ZFR: variants seen among roughly 807,000 people sequenced by gnomAD.
ZFR encodes the protein zinc finger RNA binding protein.
A neutral mutation model predicts 130.7 loss-of-function variants in ZFR; 19 were observed. The ratio of observed to expected loss-of-function variants is 0.15; its 90% CI spans 0.10 to 0.21. The LOEUF is 0.21. Ranked by LOEUF, ZFR falls within the 10% of genes least tolerant of loss-of-function variation. The probability of loss-of-function intolerance (pLI) is 1.00; values close to 1 mark genes in which losing one functional copy is unlikely to be tolerated. For missense variants in ZFR, 872 were observed against 1,321.5 expected, an observed-to-expected ratio of 0.66 and a Z score of 5.27; for synonymous variants, 466 against 456.9, an observed-to-expected ratio of 1.02 and a Z score of -0.25.
At position 32,444,237 on chromosome 5, in the gene ZFR, GGCCGCAGCC is replaced by G; in HGVS notation, c.120_128del (p.Ala41_Ala43del). 1 of 1,588,696 alleles carries G rather than the reference GGCCGCAGCC, an allele frequency of 6.3e-7. No individual in the cohort carries two copies. The highest frequency in any genetic ancestry group is 8.6e-7 in the Non-Finnish European group (1 of 1,169,134). On this transcript the variant is annotated inframe_deletion, in exon 2 of 20. Coordinates refer to ENST00000265069, the MANE Select transcript of ZFR (RefSeq NM_016107.5). ...AGGCAGGATGCCGTTACCTATATTG[GGCCGCAGCC>G]GCCGCCGCCGCCGCCCCGCTGTGGG...
At chr5:32,362,944 G>A (rs1363033242) in intron 19 of ZFR, among the ~76,000 whole-genome samples, 1 of 152,108 alleles carries the variant, frequency 6.6e-6, no homozygotes, top group African/African-American at 2.4e-5. Context: ...AAGGGAGAAA[G>A]AACAGACACT....
intron 3 of ZFR, among the ~76,000 whole-genome samples, chr5:32,418,636 C>T (rs530078967): frequency 6.6e-5 from 10 of 152,276 alleles, no homozygotes; most frequent in African/African-American, 2.4e-4. Context: ...TTATTATATT[C>T]TGTCTCTGGG....
intron 9 of ZFR, 71 bp downstream of exon 9, chr5:32,399,936 G>GT (rs1450595047): frequency 1.5e-6 from 2 of 1,290,506 alleles, no homozygotes; most frequent in Non-Finnish European, 2.1e-6. Context: ...AATTTTACAC[G>GT]TAACATATGC....
rs1487686237 is a variant in ZFR, at chr5:32,415,509, TGTGTGTGC to T, written c.566-330_566-323del. ...GAGTGTGTGTGTGTGTGTGTGTGTG[TGTGTGTGC>T]GCGCGCGCGCGCGCGCACTAGTCAG... On this transcript the variant is annotated intron_variant, in intron 4 of 19. Coordinates refer to ENST00000265069, the MANE Select transcript of ZFR (RefSeq NM_016107.5). 5.5e-3 allele frequency among the ~76,000 whole-genome samples: 515 copies of T among 93,912 alleles called. 7 individuals carry two copies. Among genetic ancestry groups the T allele is most frequent in the African/African-American group, 0.026 (502 of 19,468 alleles). The allele number at this position is 93,912 out of a possible 152,430, so 61.6% of individuals were successfully genotyped here. A position where few individuals can be genotyped will look rare whatever the true frequency, so the allele number is the denominator to read the frequency against.
At chr5:32,425,614 G>A (rs374710072) in intron 2 of ZFR, among the ~76,000 whole-genome samples, 2 of 152,088 alleles carry the variant, frequency 1.3e-5, no homozygotes, top group African/African-American at 4.8e-5. Context: ...TGCAACCTCC[G>A]CCTCCTAGGT....
chr5:32,421,556 T>C (rs958260700), intron 2 of ZFR, among the ~76,000 whole-genome samples: 1 of 151,934 alleles, frequency 6.6e-6, no homozygotes, highest in East Asian at 1.9e-4. Flanking sequence ...TTTAATTTCA[T>C]ATAAAAAGGG....
chr5:32,437,552 T>G (rs13358689), intron 2 of ZFR, among the ~76,000 whole-genome samples: 1 of 152,080 alleles, frequency 6.6e-6, no homozygotes, highest in Non-Finnish European at 1.5e-5. Context: ...AGTGGTGTCA[T>G]GGACAATTAA....
intron 12 of ZFR, 106 bp downstream of exon 12, chr5:32,390,169 G>C: frequency 1.4e-6 from 2 of 1,406,728 alleles, no homozygotes; most frequent in Non-Finnish European, 1.9e-6. Context: ...AAACTACCAA[G>C]ATTACAAGAT....
intron 2 of ZFR, among the ~76,000 whole-genome samples, chr5:32,426,318 T>TAAAATGG (rs1754071157): frequency 6.7e-6 from 1 of 150,096 alleles, no homozygotes; most frequent in South Asian, 2.1e-4. Context: ...TACACATTAA[T>TAAAATGG]AAAATGGAAG....
Position 32,385,565 on chromosome 5 carries a change from G to C in ZFR, c.2584C>G (p.Gln862Glu), listed in dbSNP as rs1753026186. 3 of 1,613,438 alleles carry C rather than the reference G, an allele frequency of 1.9e-6. No homozygotes were observed. The highest frequency in any genetic ancestry group is 2.5e-6 in the Non-Finnish European group (3 of 1,179,546). ...GGAGATGTCAGTGTGATAGTGACTT[G>C]CATTTTGGGTTCCACACATGAATTC... ...ILNSCVEPKM[Q>E]VTITLTSPII... Residue 862 changes from glutamine to glutamate, a missense_variant, in exon 15 of 20, where the codon CAA (glutamine) becomes GAA (glutamate). This residue lies in a region of ZFR where 225 missense variants were observed against 282.4 expected (regional missense o/e 0.80). Coordinates refer to ENST00000265069, the MANE Select transcript of ZFR (RefSeq NM_016107.5).
intron 9 of ZFR, among the ~76,000 whole-genome samples, chr5:32,397,693 G>A (rs1753346223): frequency 6.6e-6 from 1 of 151,968 alleles, no homozygotes; most frequent in South Asian, 2.1e-4. Context: ...AACTCCTTGT[G>A]ATCCGCCCAC....
intron 15 of ZFR, among the ~76,000 whole-genome samples, chr5:32,382,590 A>G (rs1252234900): frequency 6.6e-6 from 1 of 152,194 alleles, no homozygotes; most frequent in Non-Finnish European, 1.5e-5. Flanking sequence ...TATAAATTCA[A>G]AGATGCCAAG....
chr5:32,374,308 C>T lies in ZFR; in HGVS notation c.2835+4807G>A, dbSNP rs1226358227. 3.3e-5 allele frequency among the ~76,000 whole-genome samples: 5 copies of T among 152,198 alleles called. No individual in the cohort carries two copies. In the East Asian group the frequency reaches 5.8e-4, roughly 18 times the overall value. ...ATCACTTGAGGTCAGGAGTTCTAGA[C>T]TACCCTGGCCAACATGATGAAACTC... On this transcript the variant is annotated intron_variant, in intron 17 of 19. Coordinates refer to ENST00000265069, the MANE Select transcript of ZFR (RefSeq NM_016107.5).
intron 13 of ZFR, among the ~76,000 whole-genome samples, chr5:32,387,940 C>T (rs543896341): frequency 6.6e-6 from 1 of 151,842 alleles, no homozygotes; most frequent in Non-Finnish European, 1.5e-5. Flanking sequence ...GACATTAACA[C>T]TTCTGTTTCT....
At chr5:32,431,433 G>A (rs1310324334) in intron 2 of ZFR, among the ~76,000 whole-genome samples, 1 of 152,146 alleles carries the variant, frequency 6.6e-6, no homozygotes, top group Non-Finnish European at 1.5e-5. Context: ...CCACTACCAG[G>A]TGGAAACAGA....
intron 16 of ZFR, chr5:32,379,819 A>G: frequency 3.1e-6 from 1 of 325,184 alleles, no homozygotes; most frequent in East Asian, 4.9e-5. Flanking sequence ...AACTTTAAAT[A>G]TAGCCACTAA....
chr5:32,415,134 T>C lies in ZFR; in HGVS notation c.619A>G (p.Thr207Ala). The C allele has an allele frequency of 1.2e-6, 2 of 1,613,958 alleles. No individual in the cohort carries two copies. The highest frequency in any genetic ancestry group is 1.7e-6 in the Non-Finnish European group (2 of 1,179,972). The change falls in exon 5 of 20, where the codon ACT (threonine) becomes GCT (alanine). Residue 207 changes from threonine to alanine, a missense_variant. This residue lies in a region of ZFR where 240 missense variants were observed against 441.2 expected (regional missense o/e 0.54). Coordinates refer to ENST00000265069, the MANE Select transcript of ZFR (RefSeq NM_016107.5). ...GGTTTTATGGCTGTCACTTGTCGAG[T>C]TTGCTGGGCTTGAGTATACTGAGTT... Reference protein sequence around the residue: ...GATQYTQAQQTRQVTAIKPAT... With the variant: ...GATQYTQAQQARQVTAIKPAT...
chr5:32,416,963 G>A (rs1346460847), intron 4 of ZFR, among the ~76,000 whole-genome samples: 8 of 147,716 alleles, frequency 5.4e-5, no homozygotes, highest in Non-Finnish European at 1.0e-4. Flanking sequence ...TGCACAACAT[G>A]CAGGTTTGTT....
chr5:32,417,781 T>A lies in ZFR; in HGVS notation c.432A>T (p.Ser144=), dbSNP rs751421336. The change falls in exon 4 of 20, where the codon TCA becomes TCT. Residue 144 remains serine, a synonymous_variant. Coordinates refer to ENST00000265069, the MANE Select transcript of ZFR (RefSeq NM_016107.5). ...ATTQNYQDSY[S]YVRSTAPAVA... is the part of the protein sequence containing the mutation. ...CAGCAGGAGCTGTGGACCTTACATA[T>A]GAGTATGAATCCTAAAGAAAAGGAA... The A allele has an allele frequency of 6.2e-7, 1 of 1,613,586 alleles. No homozygotes were observed. Among genetic ancestry groups the A allele is most frequent in the Admixed American group, 1.7e-5 (1 of 59,932 alleles).
Sources: gnomAD v4.1 joint callset for allele counts (sites outside exome capture counted in the v4.1 genomes callset) on GRCh38, gnomAD v4.1.1 for gene constraint, gnomAD v4.1.1 regional missense constraint, MANE v1.5 for transcripts, NCBI Gene and HGNC (gene_info 2026-07-23, HGNC 2026-07-21) for gene names.